Variants in GCNT2 observed in about 807,000 individuals in gnomAD.
GCNT2 encodes glucosaminyl (N-acetyl) transferase 2 (I blood group).
GCNT2 carries 34 observed loss-of-function variants against 34.2 expected under a neutral mutation model. The ratio of observed to expected loss-of-function variants is 1.00; its 90% CI spans 0.76 to 1.32. GCNT2 has a LOEUF of 1.32. Ranked by LOEUF, GCNT2 falls within the 40% of genes most tolerant of loss-of-function variation. The pLI, the probability that GCNT2 is intolerant of heterozygous loss-of-function variation, is 0.00. For synonymous variants in GCNT2, 212 were observed against 188.0 expected (o/e 1.13, Z -1.04); for missense variants, 584 against 489.4 (o/e 1.19, Z -1.82).
intron 3 of GCNT2, among the ~76,000 whole-genome samples, chr6:10,569,824 T>TCTTC (rs70991027): frequency 0.63 from 92,995 of 148,696 alleles, 29,569 homozygotes; most frequent in Middle Eastern, 0.72. Context: ...CATATGGATT[T>TCTTC]CTTCCTTCCT....
At chr6:10,580,513 A>G (rs1764025011) in intron 3 of GCNT2, among the ~76,000 whole-genome samples, 1 of 152,098 alleles carries the variant, frequency 6.6e-6, no homozygotes, top group African/African-American at 2.4e-5. Context: ...CTTGTGGCCA[A>G]AGAGTTTGAG....
chr6:10,605,320 A>T (rs906905462), intron 3 of GCNT2, among the ~76,000 whole-genome samples: 26 of 142,320 alleles, frequency 1.8e-4, no homozygotes, highest in Admixed American at 3.0e-4. Flanking sequence ...GGCTCAAGCC[A>T]TCCCCCTACC....
At chr6:10,559,794 G>GCCATGTCC (rs1256497914) in intron 3 of GCNT2, among the ~76,000 whole-genome samples, 1 of 152,252 alleles carries the variant, frequency 6.6e-6, no homozygotes, top group Non-Finnish European at 1.5e-5. Flanking sequence ...AGGATAACGT[G>GCCATGTCC]CCATGTCCTG....
At chr6:10,530,724 AAAACAAAC>A (rs372193785) in intron 3 of GCNT2, among the ~76,000 whole-genome samples, 2 of 151,824 alleles carry the variant, frequency 1.3e-5, no homozygotes, top group African/African-American at 2.4e-5. Context: ...TCAAGAAGTT[AAAACAAAC>A]AAACAAACAA....
chr6:10,567,545 T>C (rs1381916766), intron 3 of GCNT2, among the ~76,000 whole-genome samples: 3 of 152,236 alleles, frequency 2.0e-5, no homozygotes, highest in Non-Finnish European at 2.9e-5. Flanking sequence ...ATATTAACTT[T>C]TAGGCCTTTT....
intron 3 of GCNT2, chr6:10,586,262 AGAGGCTGCATTCC>A: frequency 6.2e-7 from 1 of 1,614,214 alleles, no homozygotes; most frequent in Non-Finnish European, 8.5e-7. Context: ...TGTCGGAAGA[AGAGGCTGCATTCC>A]CTTTGGCCTA....
intron 3 of GCNT2, among the ~76,000 whole-genome samples, chr6:10,550,099 G>A (rs1011602677): frequency 2.0e-5 from 3 of 152,120 alleles, no homozygotes; most frequent in African/African-American, 7.2e-5. Flanking sequence ...TGTTGCCTAG[G>A]CTGGGGTGCA....
intron 3 of GCNT2, among the ~76,000 whole-genome samples, chr6:10,589,790 C>T (rs945807784): frequency 2.6e-5 from 4 of 152,082 alleles, no homozygotes; most frequent in Non-Finnish European, 5.9e-5. Flanking sequence ...TACATATGGA[C>T]TTTAAGTTCA....
intron 3 of GCNT2, among the ~76,000 whole-genome samples, chr6:10,570,329 A>G (rs1264955939): frequency 6.6e-6 from 1 of 152,198 alleles, no homozygotes; most frequent in East Asian, 1.9e-4. Context: ...TTGACACCAC[A>G]TTTCTGGAGA....
intron 4 of GCNT2, 49 bp from the exon 5 acceptor site, chr6:10,626,368 T>C: frequency 7.3e-7 from 1 of 1,379,264 alleles, no homozygotes; most frequent in Non-Finnish European, 1.0e-6. Context: ...TCATCACCCT[T>C]TTGAAAGCAA....
intron 3 of GCNT2, chr6:10,555,921 C>T: frequency 2.0e-6 from 2 of 1,005,734 alleles, no homozygotes; most frequent in Non-Finnish European, 1.2e-6. Context: ...CCACGAACAA[C>T]AAGAGAGGGC....
chr6:10,604,465 T>G (rs2127430441), intron 3 of GCNT2, among the ~76,000 whole-genome samples: 1 of 152,216 alleles, frequency 6.6e-6, no homozygotes, highest in South Asian at 2.1e-4. Context: ...ACTTTGAAAA[T>G]CTCCAAGACT....
chr6:10,538,308 T>C (rs1209468143), intron 3 of GCNT2, among the ~76,000 whole-genome samples: 3 of 146,458 alleles, frequency 2.0e-5, no homozygotes, highest in African/African-American at 7.7e-5. Flanking sequence ...CTCGGGAGGC[T>C]GAGGCAGGAG....
intron 3 of GCNT2, among the ~76,000 whole-genome samples, chr6:10,530,703 T>C (rs1251865289): frequency 6.6e-6 from 1 of 151,972 alleles, no homozygotes; most frequent in Non-Finnish European, 1.5e-5. Flanking sequence ...AGACACTGTC[T>C]CTATTTTTTT....
chr6:10,578,771 A>G (rs1763939974), intron 3 of GCNT2, among the ~76,000 whole-genome samples: 1 of 152,108 alleles, frequency 6.6e-6, no homozygotes, highest in South Asian at 2.1e-4. Context: ...TGTGGAGGAG[A>G]GAACATGGAA....
chr6:10,586,926 T>G (rs1310211704), intron 3 of GCNT2: 3 of 1,582,480 alleles, frequency 1.9e-6, no homozygotes, highest in Non-Finnish European at 2.6e-6. Context: ...TAGGTACTAA[T>G]TTCCATTCTG....
At chr6:10,551,382 C>T (rs146476004) in intron 3 of GCNT2, among the ~76,000 whole-genome samples, 1 of 151,006 alleles carries the variant, frequency 6.6e-6, no homozygotes, top group African/African-American at 2.4e-5. Context: ...TGTTAAACTT[C>T]TTTCCCCGCC....
intron 3 of GCNT2, among the ~76,000 whole-genome samples, chr6:10,617,985 C>G (rs1581490886): frequency 1.3e-5 from 2 of 150,992 alleles, no homozygotes; most frequent in East Asian, 3.9e-4. Context: ...GAACTCCTGA[C>G]CTCAGGTGAT....
intron 3 of GCNT2, among the ~76,000 whole-genome samples, chr6:10,605,592 T>C (rs1765273271): frequency 6.6e-6 from 1 of 152,012 alleles, no homozygotes; most frequent in Admixed American, 6.6e-5. Context: ...TGGGGCCCTG[T>C]CATTGGTACT....
Sources: gnomAD v4.1 joint callset for allele counts (sites outside exome capture counted in the v4.1 genomes callset) on GRCh38, gnomAD v4.1.1 for gene constraint, MANE v1.5 for transcripts, NCBI Gene and HGNC (gene_info 2026-07-23, HGNC 2026-07-21) for gene names.